Variants in WDPCP observed in about 807,000 individuals in gnomAD.
WDPCP encodes the protein WD repeat-containing and planar cell polarity effector protein fritz homolog.
A neutral mutation model predicts 93.1 loss-of-function variants in WDPCP; 71 were observed. The ratio of observed to expected loss-of-function variants is 0.76; its 90% CI spans 0.63 to 0.93. The LOEUF (loss-of-function observed/expected upper bound fraction) is 0.93, where lower values mean the gene tolerates loss of function less well. Ranked by LOEUF, WDPCP falls within the 40% of genes least tolerant of loss-of-function variation. The pLI is 0.00. For synonymous variants in WDPCP, 315 were observed against 315.0 expected (o/e 1.00, Z 0.00); for missense variants, 844 against 887.4 (o/e 0.95, Z 0.62).
At chr2:63,679,325 C>T (rs948674730) in intron 2 of WDPCP, among the ~76,000 whole-genome samples, 7 of 152,072 alleles carry the variant, frequency 4.6e-5, no homozygotes, top group African/African-American at 7.2e-5. Context: ...TCTACATTCT[C>T]GGTGTACAGT....
At position 63,605,964 on chromosome 2, in the gene WDPCP, T is replaced by C. The variant is rs746951614; in HGVS notation, n.488+44695A>G. 1.7e-5 allele frequency: 27 copies of C among 1,614,084 alleles called. No homozygotes were observed. The East Asian group carries it at 4.7e-4, about 28-fold the overall frequency. On this transcript the variant is annotated intron_variant and non_coding_transcript_variant, in intron 3 of 4. Coordinates refer to the WDPCP transcript ENST00000467687. ...GGAGAGTTTGTGTCCATGGGTGTTA[T>C]CTCTGATGGCAACTCCTATGGTGTT...
chr2:63,752,404 C>T (rs1575764628), intron 2 of WDPCP: 2 of 761,750 alleles, frequency 2.6e-6, no homozygotes, highest in African/African-American at 3.4e-5. Context: ...TCCCATCCAC[C>T]TTGTGTGGCC....
intron 1 of WDPCP, among the ~76,000 whole-genome samples, chr2:63,824,622 A>C (rs190772744): frequency 2.6e-4 from 40 of 151,854 alleles, no homozygotes; most frequent in African/African-American, 9.6e-4. Context: ...TTTTAAAAGA[A>C]TCAATCAAAT....
In WDPCP at chr2:63,378,228, A is replaced by G. The variant is rs1432464597; in HGVS notation, c.1748+158T>C. The G allele has an allele frequency of 7.0e-6, 7 of 1,002,712 alleles. No homozygotes were observed. The East Asian group carries it at 1.1e-4, about 15-fold the overall frequency. 62.1% of individuals were successfully genotyped at this position (1,002,712 alleles called of 1,614,324 possible). On this transcript the variant is annotated intron_variant, in intron 12 of 17. Coordinates refer to ENST00000272321, the MANE Select transcript of WDPCP (RefSeq NM_015910.7). The stretch of plus-strand genomic sequence containing the variant: ...CAAATATTTCCTTAAAATGAAAACA[A>G]TAACAAATTAAATAAGACCAAAAGA...
chr2:63,729,195 C>T (rs941961381), intron 2 of WDPCP, among the ~76,000 whole-genome samples: 12 of 152,012 alleles, frequency 7.9e-5, no homozygotes, highest in African/African-American at 2.9e-4. Flanking sequence ...TTTTTTAACC[C>T]AGTGTTGTCA....
intron 15 of WDPCP, among the ~76,000 whole-genome samples, chr2:63,159,248 G>GT (rs1051561879): frequency 6.2e-4 from 92 of 148,910 alleles, no homozygotes; most frequent in Non-Finnish European, 9.9e-4. Flanking sequence ...TGATACTTGG[G>GT]TTTTTTTTTG....
rs970802625 is a variant in WDPCP at position 63,620,424 on chromosome 2, G to A, written n.488+30235C>T. On this transcript the variant is annotated intron_variant and non_coding_transcript_variant, in intron 3 of 4. Transcript: ENST00000467687. ...GCCTTTCGGAAGTTCGAACTGAGTAGAGCCCACTGCAGCTTGGCAAAGCCA... is the reference window on the plus strand; with the variant it reads ...GCCTTTCGGAAGTTCGAACTGAGTAAAGCCCACTGCAGCTTGGCAAAGCCA... Among the ~76,000 whole-genome samples, 4 of 152,192 alleles carry A rather than the reference G, an allele frequency of 2.6e-5. No homozygotes were observed. The East Asian group carries it at 7.7e-4, about 29-fold the overall frequency.
intron 3 of WDPCP, among the ~76,000 whole-genome samples, chr2:63,628,141 G>T (rs957993252): frequency 6.6e-6 from 1 of 152,270 alleles, no homozygotes; most frequent in South Asian, 2.1e-4. Flanking sequence ...CCTTGTCGCC[G>T]AGGCCCGCAA....
At chr2:63,369,560 A>T in intron 12 of WDPCP, 1 of 455,916 alleles carries the variant, frequency 2.2e-6, no homozygotes, top group East Asian at 7.0e-5. Context: ...TTTGGGCAGA[A>T]AACACATTTT....
chr2:63,733,867 A>T (rs1036789855), intron 2 of WDPCP, among the ~76,000 whole-genome samples: 6 of 152,152 alleles, frequency 3.9e-5, no homozygotes, highest in African/African-American at 1.4e-4. Context: ...AAACATTTTC[A>T]TCACCATAAA....
At chr2:63,285,066 T>A (rs1683878888) in intron 13 of WDPCP, among the ~76,000 whole-genome samples, 1 of 151,904 alleles carries the variant, frequency 6.6e-6, no homozygotes, top group Non-Finnish European at 1.5e-5. Context: ...AAAGAACAGA[T>A]ATGATAAAAA....
At chr2:63,491,199 T>A (rs57360299) in intron 2 of WDPCP, among the ~76,000 whole-genome samples, 2,992 of 152,284 alleles carry the variant, frequency 0.02, 113 homozygotes, top group African/African-American at 0.068. Flanking sequence ...TCCTTAGGTC[T>A]CTGTTGTACT....
At chr2:63,724,093 T>C (rs1045065236) in intron 2 of WDPCP, among the ~76,000 whole-genome samples, 1 of 152,248 alleles carries the variant, frequency 6.6e-6, no homozygotes, top group Non-Finnish European at 1.5e-5. Context: ...AGAGATAATT[T>C]ATAAACCAAA....
chr2:63,659,854 C>T (rs1166715272), intron 2 of WDPCP, among the ~76,000 whole-genome samples: 2 of 152,190 alleles, frequency 1.3e-5, no homozygotes, highest in African/African-American at 2.4e-5. Context: ...CCAGCTTGCT[C>T]TCTCATGGTC....
intron 2 of WDPCP, among the ~76,000 whole-genome samples, chr2:63,731,889 G>C (rs1381155455): frequency 6.6e-6 from 1 of 152,168 alleles, no homozygotes; most frequent in Non-Finnish European, 1.5e-5. Flanking sequence ...AAGTATATTT[G>C]TTCTGTTTAG....
intron 1 of WDPCP, among the ~76,000 whole-genome samples, chr2:63,575,370 G>GTA (rs1418622699): frequency 1.1e-4 from 14 of 128,386 alleles, no homozygotes; most frequent in African/African-American, 2.7e-4. Context: ...AGTATATACA[G>GTA]TATATACAGT....
intron 2 of WDPCP, among the ~76,000 whole-genome samples, chr2:63,681,523 A>T (rs1351140232): frequency 7.9e-5 from 12 of 152,180 alleles, no homozygotes; most frequent in Non-Finnish European, 1.6e-4. Flanking sequence ...GCTCAGCTGC[A>T]AACAATGGAA....
intron 2 of WDPCP, among the ~76,000 whole-genome samples, chr2:63,701,606 C>T (rs1669049950): frequency 6.6e-6 from 1 of 152,104 alleles, no homozygotes. Context: ...CCTAAGTGCC[C>T]ATTAATGGAT....
intron 1 of WDPCP, among the ~76,000 whole-genome samples, chr2:63,575,465 A>ACGCAGTATATACAG (rs751954591): frequency 7.6e-5 from 1 of 13,206 alleles, no homozygotes; most frequent in Non-Finnish European, 1.4e-4. Flanking sequence ...TACAGTATAT[A>ACGCAGTATATACAG]TGCAGTATAT....
Sources: allele counts gnomAD v4.1 joint callset (sites outside exome capture counted in the v4.1 genomes callset), GRCh38; gene constraint gnomAD v4.1.1; transcripts MANE v1.5; gene names NCBI Gene and HGNC (gene_info 2026-07-23, HGNC 2026-07-21).